KCNT1: variants seen among roughly 807,000 people sequenced by gnomAD.
The protein encoded by KCNT1 is potassium channel subfamily T member 1.
In KCNT1, 78 loss-of-function variants were observed where a neutral mutation model predicts 147.8. The observed-to-expected ratio is 0.53, with a 90% CI of 0.44 to 0.64. KCNT1 has a LOEUF of 0.64. Among genes scored for constraint, KCNT1 ranks in the 30% least tolerant of loss-of-function variants. The pLI is 0.00. For synonymous variants in KCNT1, 867 were observed against 748.8 expected (o/e 1.16, Z -2.58); for missense variants, 1,419 against 1,750.3 (o/e 0.81, Z 3.38).
chr9:135,777,638 CCT>C, intron 21 of KCNT1, 128 bp downstream of exon 21: 1 of 858,438 alleles, frequency 1.2e-6, no homozygotes, highest in Non-Finnish European at 1.8e-6. Flanking sequence ...CTGGCCTGGT[CCT>C]CTCAGCTTTC....
intron 18 of KCNT1, 106 bp downstream of exon 18, chr9:135,771,201 G>T: frequency 9.5e-7 from 1 of 1,057,252 alleles, no homozygotes; most frequent in Non-Finnish European, 1.4e-6. Context: ...AGGCAGGACA[G>T]GGGGAGGTGA....
chr9:135,777,706 C>A (rs1392204668), intron 21 of KCNT1, among the ~76,000 whole-genome samples, 196 bp downstream of exon 21: 1 of 149,956 alleles, frequency 6.7e-6, no homozygotes, highest in African/African-American at 2.5e-5. Context: ...CAGCTCCTCC[C>A]CACACCCACT....
chr9:135,747,879 G>C lies in KCNT1; in HGVS notation c.255-2219G>C, dbSNP rs867363493. 2.0e-5 allele frequency among the ~76,000 whole-genome samples: 3 copies of C among 152,298 alleles called. No homozygotes were observed. In the South Asian group the frequency reaches 6.2e-4, roughly 32 times the overall value. Reference sequence around the variant, plus strand: ...GCCTGAGCCTCCTCTTCAGCATGGGGCAAGGGCACCCAGAGCCACACGCCT... The same window carrying C: ...GCCTGAGCCTCCTCTTCAGCATGGGCCAAGGGCACCCAGAGCCACACGCCT... On this transcript the variant is annotated intron_variant, in intron 2 of 30. Transcript: ENST00000371757.
At chr9:135,769,670 T>C (rs994606200) in intron 15 of KCNT1, among the ~76,000 whole-genome samples, 1 of 151,824 alleles carries the variant, frequency 6.6e-6, no homozygotes, top group Non-Finnish European at 1.5e-5. Flanking sequence ...CCACATGGAG[T>C]GCCCAAGGCA....
chr9:135,789,583 G>A (rs72771907), intron 29 of KCNT1: 18,735 of 152,286 alleles, frequency 0.12, 1,499 homozygotes, highest in South Asian at 0.23. Context: ...ACTGAGGCTC[G>A]GGTGGCGGTA....
rs1834061906 is a variant in KCNT1, at chr9:135,786,487, C to T, written c.3468C>T (p.Arg1156=). 1.9e-6 allele frequency: 3 copies of T among 1,602,532 alleles called. No individual in the cohort carries two copies. The highest frequency in any genetic ancestry group is 1.7e-5 in the Admixed American group (1 of 58,276). The change falls in exon 29 of 31, where the codon CGC becomes CGT. Residue 1156 remains arginine (R), a synonymous_variant. Coordinates refer to ENST00000371757, the MANE Select transcript of KCNT1 (RefSeq NM_020822.3). ...AGCTCTCCGAGCTGGTGAAGAACCG[C>T]ATGAAGCACCTGGGGCTGCCCACCA... ...RQELSELVKN[R]MKHLGLPTTG...
At chr9:135,716,159 C>G (rs556620969) in intron 2 of KCNT1, among the ~76,000 whole-genome samples, 1 of 152,314 alleles carries the variant, frequency 6.6e-6, no homozygotes, top group South Asian at 2.1e-4. Flanking sequence ...GCACCAGCCC[C>G]TCAGATGCCT....
At chr9:135,750,722 G>A in intron 3 of KCNT1, 1 of 588,702 alleles carries the variant, frequency 1.7e-6, no homozygotes, top group Non-Finnish European at 3.0e-6. Context: ...CCAAGTTCAG[G>A]CACCTGTAAG....
chr9:135,784,180 C>A, intron 25 of KCNT1, 55 bp downstream of exon 25: 1 of 1,342,498 alleles, frequency 7.4e-7, no homozygotes, highest in Non-Finnish European at 1.1e-6. Flanking sequence ...CCCCGTCATG[C>A]CCTCAGCTCT....
rs1830640360 is a variant in KCNT1 at position 135,742,932 on chromosome 9, C to A, written c.255-7166C>A. The A allele has an allele frequency of 2.8e-5, 19 of 673,370 alleles. No individual in the cohort carries two copies. The South Asian group carries it at 3.1e-4, about 11-fold the overall frequency. 41.7% of individuals were successfully genotyped at this position (673,370 alleles called of 1,614,324 possible). ...GCATCCCCTGCAGCTGGGCCAGGGC[C>A]ACCGGCACCTCCCAGTACCCGCTGG... is the stretch of plus-strand genomic sequence containing the variant. On this transcript the variant is annotated intron_variant, in intron 2 of 30. Coordinates refer to ENST00000371757, the MANE Select transcript of KCNT1 (RefSeq NM_020822.3).
chr9:135,742,832 A>G lies in KCNT1; in HGVS notation c.255-7266A>G, dbSNP rs914649841. On this transcript the variant is annotated intron_variant, in intron 2 of 30. Coordinates refer to ENST00000371757, the MANE Select transcript of KCNT1 (RefSeq NM_020822.3). ...TGTCTCAGTAAGTGCTTTGCAAGGG[A>G]GGAACTGTCTTGGTGGCAGACAAGG... is the stretch of plus-strand genomic sequence containing the variant. The G allele has an allele frequency of 4.2e-6, 3 of 716,870 alleles. No homozygotes were observed. In the African/African-American group the frequency reaches 5.2e-5, roughly 13 times the overall value. The allele number at this position is 716,870 out of a possible 1,614,324, so 44.4% of individuals were successfully genotyped here.
chr9:135,709,712 G>T (rs575944998), intron 1 of KCNT1, among the ~76,000 whole-genome samples: 1 of 152,160 alleles, frequency 6.6e-6, no homozygotes, highest in Admixed American at 6.5e-5. Flanking sequence ...ATGGAGTCTC[G>T]CTCTGTCACC....
intron 2 of KCNT1, among the ~76,000 whole-genome samples, chr9:135,742,481 A>G (rs1830614820): frequency 6.6e-6 from 1 of 152,094 alleles, no homozygotes; most frequent in Non-Finnish European, 1.5e-5. Context: ...GGGACCTCCA[A>G]GCGGGCTGTG....
chr9:135,758,502 T>A lies in KCNT1; in HGVS notation c.848T>A (p.Phe283Tyr). The A allele has an allele frequency of 6.2e-7, 1 of 1,613,324 alleles. No individual in the cohort carries two copies. The highest frequency in any genetic ancestry group is 8.5e-7 in the Non-Finnish European group (1 of 1,179,750). The change falls in exon 10 of 31, where the codon TTC becomes TAC. Residue 283 changes from phenylalanine (F) to tyrosine (Y), a missense_variant. By Grantham distance (22) the Phe-to-Tyr change is conservative. Transcript: ENST00000371757. ...TTCTGCACCCTGCTGTGCCTCGTTT[T>A]CACGGGGTGAGTGCCGGCCGTCAGT... is the stretch of plus-strand genomic sequence containing the variant. ...ILFCTLLCLVFTGTCGIQHLE... is the reference protein window; with the variant it reads ...ILFCTLLCLVYTGTCGIQHLE...
intron 1 of KCNT1, among the ~76,000 whole-genome samples, chr9:135,708,891 A>G (rs1025001774): frequency 2.0e-5 from 3 of 152,216 alleles, no homozygotes; most frequent in Non-Finnish European, 4.4e-5. Context: ...CATTTTATCC[A>G]GGACTTCCTA....
chr9:135,743,208 C>T (rs181172452), intron 2 of KCNT1, among the ~76,000 whole-genome samples: 9 of 152,090 alleles, frequency 5.9e-5, no homozygotes, highest in East Asian at 1.9e-4. Flanking sequence ...AGCTGGGATG[C>T]GCTCTCGGAG....
At chr9:135,768,554 G>C in intron 13 of KCNT1, 56 bp from the exon 14 acceptor site, 2 of 1,442,994 alleles carry the variant, frequency 1.4e-6, no homozygotes, top group Non-Finnish European at 1.9e-6. Context: ...CCGCACCCCC[G>C]GCTGCACTGC....
intron 1 of KCNT1, chr9:135,703,298 G>C (rs1835110774): frequency 6.6e-6 from 1 of 152,524 alleles, no homozygotes; most frequent in Non-Finnish European, 1.5e-5. Context: ...GGCCAGAGAA[G>C]GGGGTGGAAG....
At chr9:135,745,611 C>T (rs1478005074) in intron 2 of KCNT1, among the ~76,000 whole-genome samples, 1 of 152,234 alleles carries the variant, frequency 6.6e-6, no homozygotes, top group Non-Finnish European at 1.5e-5. Flanking sequence ...CCAAGAGAAG[C>T]CTGGGACACA....
Sources: allele counts gnomAD v4.1 joint callset (sites outside exome capture counted in the v4.1 genomes callset), GRCh38; gene constraint gnomAD v4.1.1; transcripts MANE v1.5; gene names NCBI Gene and HGNC (gene_info 2026-07-23, HGNC 2026-07-21).